Variants in USP53 observed in about 807,000 individuals in gnomAD.
USP53 encodes the protein ubiquitin carboxyl-terminal hydrolase 53.
USP53 carries 71 observed loss-of-function variants against 94.9 expected under a neutral mutation model. That is an observed-to-expected ratio of 0.75 (90% CI 0.62 to 0.91). The LOEUF is 0.91. USP53 is among the 40% of genes least tolerant of loss of function. The pLI, the probability that USP53 is intolerant of heterozygous loss-of-function variation, is 0.00. For synonymous variants in USP53, 375 were observed against 422.7 expected (o/e 0.89, Z 1.39); for missense variants, 1,173 against 1,281.0 (o/e 0.92, Z 1.29).
intron 15 of USP53, 137 bp downstream of exon 15, chr4:119,269,974 A>T: frequency 1.6e-5 from 4 of 247,740 alleles, no homozygotes; most frequent in Non-Finnish European, 2.9e-5. Flanking sequence ...AGTTAAATAT[A>T]TATACCTATA....
chr4:119,252,402 A>T (rs1015646926), intron 7 of USP53, among the ~76,000 whole-genome samples: 1 of 152,102 alleles, frequency 6.6e-6, no homozygotes, highest in Non-Finnish European at 1.5e-5. Flanking sequence ...TTATTGCCTC[A>T]ATTTCAGAAC....
chr4:119,291,369 A>T (rs1754745360), intron 18 of USP53, 108 bp downstream of exon 18: 5 of 557,218 alleles, frequency 9.0e-6, no homozygotes, highest in South Asian at 3.5e-5. Context: ...TAGTATTGAG[A>T]TGCCTTTCTT....
chr4:119,248,694 T>C (rs1055530422), intron 6 of USP53, 54 bp from the exon 7 acceptor site: 1 of 1,576,010 alleles, frequency 6.3e-7, no homozygotes, highest in Non-Finnish European at 8.6e-7. Flanking sequence ...ATGAAATTAC[T>C]GAAATGTCGT....
chr4:119,245,235 C>A, intron 5 of USP53, 102 bp from the exon 6 acceptor site: 1 of 997,602 alleles, frequency 1.0e-6, no homozygotes, highest in Non-Finnish European at 1.5e-6. Flanking sequence ...AAAGAAGTTA[C>A]TTGTTCGCCT....
chr4:119,229,987 T>G (rs567715730), intron 3 of USP53, among the ~76,000 whole-genome samples: 1 of 152,278 alleles, frequency 6.6e-6, no homozygotes, highest in Non-Finnish European at 1.5e-5. Context: ...ATGCATCTCA[T>G]CCTCCCAACA....
At chr4:119,276,966 T>C (rs1252330007) in intron 17 of USP53, among the ~76,000 whole-genome samples, 4 of 41,572 alleles carry the variant, frequency 9.6e-5, no homozygotes, top group African/African-American at 2.7e-4. Flanking sequence ...CATTTTTTAT[T>C]GTGTCTATTT....
chr4:119,268,004 A>G (rs1049866014), intron 13 of USP53, among the ~76,000 whole-genome samples: 1 of 151,944 alleles, frequency 6.6e-6, no homozygotes, highest in Non-Finnish European at 1.5e-5. Flanking sequence ...CGTCTCTACT[A>G]AAAATACAAA....
chr4:119,254,706 T>A (rs1334540744), intron 7 of USP53, among the ~76,000 whole-genome samples: 1 of 152,234 alleles, frequency 6.6e-6, no homozygotes, highest in Non-Finnish European at 1.5e-5. Flanking sequence ...TTACTGACCT[T>A]CTGAAGCCTA....
At position 119,239,683 on chromosome 4, in the gene USP53, G is replaced by C. The variant is rs1424712941; in HGVS notation, c.-77G>C. ...CAGTGGATTTAATTGGACAATTCAA[G>C]ACATCCATTTTATTGTCCAAAATAT... On this transcript the variant is annotated 5_prime_UTR_variant, in exon 5 of 19. Coordinates refer to ENST00000692078, the MANE Select transcript of USP53 (RefSeq NM_001371395.1). 1.4e-6 allele frequency: 2 copies of C among 1,466,954 alleles called. No individual in the cohort carries two copies. The highest frequency in any genetic ancestry group is 1.4e-5 in the South Asian group (1 of 70,856). The allele number at this position is 1,466,954 out of a possible 1,614,324, so 90.9% of individuals were successfully genotyped here.
Position 119,213,641 on chromosome 4 carries a change from G to GATATATATATATATATAT in USP53, c.-941-426_-941-409dup, listed in dbSNP as rs141285286. 2.4e-3 allele frequency among the ~76,000 whole-genome samples: 262 copies of GATATATATATATATATAT among 108,058 alleles called. 2 individuals carry two copies. The highest frequency in any genetic ancestry group is 5.4e-3 in the African/African-American group (129 of 23,682). The allele number at this position is 108,058 out of a possible 152,430, so 70.9% of individuals were successfully genotyped here. On this transcript the variant is annotated intron_variant, in intron 1 of 18. Transcript: ENST00000692078. Reference sequence around the variant, plus strand: ...CCGAAAGTTTCCTTATCTGGAAATAGATATATATATATATATATATGTGTG... The same window carrying GATATATATATATATATAT: ...CCGAAAGTTTCCTTATCTGGAAATAGATATATATATATATATATATATATATATATATATATATGTGTG...
intron 2 of USP53, among the ~76,000 whole-genome samples, chr4:119,215,807 C>T (rs540596630): frequency 1.3e-5 from 2 of 152,172 alleles, no homozygotes; most frequent in South Asian, 2.1e-4. Context: ...CTCTGCAGTT[C>T]ATCAGAATTT....
At chr4:119,241,819 G>A (rs565188947) in intron 5 of USP53, among the ~76,000 whole-genome samples, 1 of 152,182 alleles carries the variant, frequency 6.6e-6, no homozygotes, top group South Asian at 2.1e-4. Context: ...CTCCTTTGGG[G>A]TTTTCCAGTT....
At position 119,260,490 on chromosome 4, in the gene USP53, T is replaced by G. The variant is rs1750360002; in HGVS notation, c.676-17T>G. ...TATCTGTTTTCATAATTTTAAAACTTTTATGTTTTTCTGTAGAGTAACTGT... is the reference window on the plus strand; with the variant it reads ...TATCTGTTTTCATAATTTTAAAACTGTTATGTTTTTCTGTAGAGTAACTGT... On this transcript the variant is annotated splice_polypyrimidine_tract_variant and intron_variant, in intron 10 of 18. Transcript: ENST00000692078. The G allele has an allele frequency of 6.2e-7, 1 of 1,610,012 alleles. No individual in the cohort carries two copies. Among genetic ancestry groups the G allele is most frequent in the Non-Finnish European group, 8.5e-7 (1 of 1,177,666 alleles).
chr4:119,284,246 T>C (rs1235079350), intron 17 of USP53, among the ~76,000 whole-genome samples: 1 of 151,582 alleles, frequency 6.6e-6, no homozygotes, highest in Non-Finnish European at 1.5e-5. Flanking sequence ...AATTGAGGTA[T>C]TTAGAAGTAA....
At position 119,225,725 on chromosome 4, in the gene USP53, C is replaced by T. The variant is rs751272951; in HGVS notation, c.-665+8052C>T. Among the ~76,000 whole-genome samples, 8 of 151,654 alleles carry T rather than the reference C, an allele frequency of 5.3e-5. No homozygotes were observed. In the Middle Eastern group the frequency reaches 0.01, roughly 195 times the overall value. On this transcript the variant is annotated intron_variant, in intron 3 of 18. Transcript: ENST00000692078. The stretch of plus-strand genomic sequence containing the variant: ...CTGCACTCCAGCCTGGGCGACACAG[C>T]GAGACACTGTCTCAAAAACAAAAAC...
At chr4:119,273,565 T>TA in intron 16 of USP53, 67 bp from the exon 17 acceptor site, 2 of 1,277,578 alleles carry the variant, frequency 1.6e-6, no homozygotes, top group South Asian at 2.7e-5. Flanking sequence ...CAAATGTTGT[T>TA]TTTTTTTAGA....
chr4:119,279,984 G>T (rs544233469), intron 17 of USP53, among the ~76,000 whole-genome samples: 1 of 152,130 alleles, frequency 6.6e-6, no homozygotes, highest in African/African-American at 2.4e-5. Flanking sequence ...ACACCCACTG[G>T]CCTGCGCCCA....
At chr4:119,243,507 T>C (rs776612864) in intron 5 of USP53, among the ~76,000 whole-genome samples, 1 of 151,884 alleles carries the variant, frequency 6.6e-6, no homozygotes, top group Admixed American at 6.6e-5. Context: ...AAAAAATAAA[T>C]AAATAAAAAT....
At chr4:119,217,067 G>C (rs1356320050) in intron 2 of USP53, among the ~76,000 whole-genome samples, 1 of 152,104 alleles carries the variant, frequency 6.6e-6, no homozygotes, top group African/African-American at 2.4e-5. Flanking sequence ...TTTAATGATT[G>C]AGTAGTTGAG....
Sources: allele counts gnomAD v4.1 joint callset (sites outside exome capture counted in the v4.1 genomes callset), GRCh38; gene constraint gnomAD v4.1.1; transcripts MANE v1.5; gene names NCBI Gene and HGNC (gene_info 2026-07-23, HGNC 2026-07-21).